Variants in SCEL observed in about 807,000 individuals in gnomAD.
The protein encoded by SCEL is sciellin.
In SCEL, 113 loss-of-function variants were observed where a neutral mutation model predicts 117.6. The observed-to-expected ratio is 0.96, with a 90% CI of 0.83 to 1.12. The LOEUF is 1.12. SCEL is among the 50% of genes most tolerant of loss of function. The pLI is 0.00. For synonymous variants in SCEL, 270 were observed against 256.2 expected (o/e 1.05, Z -0.51); for missense variants, 785 against 810.8 (o/e 0.97, Z 0.39).
At chr13:77,617,742 AATG>A (rs1197042627) in intron 25 of SCEL, 58 bp from the exon 26 acceptor site, 14 of 1,493,418 alleles carry the variant, frequency 9.4e-6, no homozygotes, top group Non-Finnish European at 1.3e-5. Context: ...TTATAACCTT[AATG>A]ATATTACCAA....
intron 24 of SCEL, among the ~76,000 whole-genome samples, chr13:77,615,202 A>G (rs1396438930): frequency 6.6e-6 from 1 of 152,078 alleles, no homozygotes; most frequent in African/African-American, 2.4e-5. Flanking sequence ...TTGGAGATGG[A>G]CAGAGCCTTG....
chr13:77,573,820 C>A (rs2085786048), intron 9 of SCEL, among the ~76,000 whole-genome samples: 1 of 152,182 alleles, frequency 6.6e-6, no homozygotes, highest in East Asian at 1.9e-4. Context: ...AGAACCTGCT[C>A]ATCTACAGAT....
Position 77,637,133 on chromosome 13 carries a change from G to A in SCEL, c.1777G>A (p.Asp593Asn). ...TTTTGTTCCTAGTAAATCACCCAAG[G>A]ATGGATATCAGGAGAATATCTCTGG... ...TYVENSKSPKDGYQENISGKY... is the reference protein window; with the variant it reads ...TYVENSKSPKNGYQENISGKY... The change falls in exon 30 of 33, where the codon GAT becomes AAT. Residue 593 changes from aspartate (D) to asparagine (N), a missense_variant. Asp to Asn is a conservative substitution (Grantham distance 23). Coordinates refer to ENST00000349847, the MANE Select transcript of SCEL (RefSeq NM_144777.3). 4 of 1,547,684 alleles carry A rather than the reference G, an allele frequency of 2.6e-6. No homozygotes were observed. The highest frequency in any genetic ancestry group is 3.5e-6 in the Non-Finnish European group (4 of 1,142,104).
intron 1 of SCEL, among the ~76,000 whole-genome samples, chr13:77,539,756 G>A (rs1272832151): frequency 6.6e-6 from 1 of 151,986 alleles, no homozygotes; most frequent in Non-Finnish European, 1.5e-5. Context: ...GGATGGTCTC[G>A]ATCTCCTGAT....
At chr13:77,628,954 T>C (rs187053909) in intron 28 of SCEL, among the ~76,000 whole-genome samples, 2 of 152,308 alleles carry the variant, frequency 1.3e-5, no homozygotes, top group Non-Finnish European at 2.9e-5. Flanking sequence ...TGGAAACACA[T>C]GTACTATTTT....
At chr13:77,643,123 TA>T (rs2090638951) in intron 32 of SCEL, among the ~76,000 whole-genome samples, 1 of 152,152 alleles carries the variant, frequency 6.6e-6, no homozygotes, top group South Asian at 2.1e-4. Flanking sequence ...TTGAAGTCCA[TA>T]TTCGTAAATG....
intron 1 of SCEL, among the ~76,000 whole-genome samples, chr13:77,555,462 A>G (rs1332325255): frequency 1.3e-5 from 2 of 152,216 alleles, no homozygotes; most frequent in Non-Finnish European, 2.9e-5. Context: ...GGTTCAGCAC[A>G]ATCTCTCTCT....
Position 77,640,758 on chromosome 13 carries a change from A to G in SCEL, c.1921A>G (p.Ile641Val), listed in dbSNP as rs1427636883. 6.3e-7 allele frequency: 1 copy of G among 1,595,212 alleles called. No homozygotes were observed. The highest frequency in any genetic ancestry group is 8.6e-7 in the Non-Finnish European group (1 of 1,165,226). ...TAAAATGATTTTAGATGAATTACAA[A>G]TTTGCTGCCATTCTACTTGCTTTAA... The part of the protein sequence containing the change: ...ETKMILDELQ[I>V]CCHSTCFKCE... Residue 641 changes from isoleucine to valine, a missense_variant, in exon 31 of 33, where the codon ATT becomes GTT. Coordinates refer to ENST00000349847, the MANE Select transcript of SCEL (RefSeq NM_144777.3).
At chr13:77,578,043 T>A (rs2086054397) in intron 9 of SCEL, among the ~76,000 whole-genome samples, 2 of 152,226 alleles carry the variant, frequency 1.3e-5, no homozygotes, top group South Asian at 4.1e-4. Flanking sequence ...TGCTACTTTT[T>A]AAAATTAAAT....
intron 3 of SCEL, among the ~76,000 whole-genome samples, chr13:77,558,098 T>C (rs2084761501): frequency 6.6e-6 from 1 of 152,234 alleles, no homozygotes; most frequent in African/African-American, 2.4e-5. Flanking sequence ...GTAGTGATAG[T>C]GTCATGTGAC....
At chr13:77,615,660 G>C (rs2088969612) in intron 24 of SCEL, among the ~76,000 whole-genome samples, 1 of 151,794 alleles carries the variant, frequency 6.6e-6, no homozygotes, top group Non-Finnish European at 1.5e-5. Context: ...ATAAAATTTA[G>C]ACATGCATGT....
Position 77,604,348 on chromosome 13 carries a change from T to C in SCEL, c.1098-8T>C. The stretch of plus-strand genomic sequence containing the variant: ...ATCATTCATTAAAATTAATTTCCTT[T>C]TTCAAAGAAAAAAAGACCTTGATGG... On this transcript the variant is annotated splice_region_variant and splice_polypyrimidine_tract_variant and intron_variant, in intron 18 of 32. Transcript: ENST00000349847. 1.3e-6 allele frequency: 2 copies of C among 1,534,224 alleles called. No individual in the cohort carries two copies. Among genetic ancestry groups the C allele is most frequent in the Non-Finnish European group, 1.8e-6 (2 of 1,135,318 alleles).
chr13:77,621,866 A>C (rs2154404356), intron 27 of SCEL, among the ~76,000 whole-genome samples: 1 of 152,272 alleles, frequency 6.6e-6, no homozygotes, highest in East Asian at 1.9e-4. Flanking sequence ...TAATCTCAAT[A>C]AACTATAGTG....
chr13:77,558,819 CAAAA>C (rs58052726), intron 3 of SCEL, among the ~76,000 whole-genome samples: 3 of 89,758 alleles, frequency 3.3e-5, no homozygotes, highest in Non-Finnish European at 4.1e-5. Context: ...CTCTGTCTTA[CAAAA>C]AAAAAAAAAA....
At chr13:77,553,368 C>T (rs1215180267) in intron 1 of SCEL, among the ~76,000 whole-genome samples, 1 of 152,102 alleles carries the variant, frequency 6.6e-6, no homozygotes, top group Non-Finnish European at 1.5e-5. Flanking sequence ...ATTATGCATT[C>T]AGCATTTTGA....
intron 19 of SCEL, among the ~76,000 whole-genome samples, chr13:77,605,200 A>T (rs1051518409): frequency 1.3e-5 from 2 of 151,566 alleles, no homozygotes; most frequent in Non-Finnish European, 2.9e-5. Flanking sequence ...CAGTTAGCTC[A>T]GTTCATAATA....
At chr13:77,546,427 C>T (rs942875827) in intron 1 of SCEL, among the ~76,000 whole-genome samples, 2 of 152,064 alleles carry the variant, frequency 1.3e-5, no homozygotes, top group Non-Finnish European at 2.9e-5. Flanking sequence ...TTTGGGATCC[C>T]ATAATTATAG....
At chr13:77,599,542 T>A in intron 14 of SCEL, 147 bp from the exon 15 acceptor site, 1 of 867,778 alleles carries the variant, frequency 1.2e-6, no homozygotes, top group Non-Finnish European at 1.9e-6. Context: ...AGTTCAGACA[T>A]AATTACCCAG....
chr13:77,634,414 A>G lies in SCEL; in HGVS notation c.1727A>G (p.Asp576Gly). The G allele has an allele frequency of 1.2e-6, 2 of 1,613,540 alleles. No individual in the cohort carries two copies. The highest frequency in any genetic ancestry group is 1.7e-6 in the Non-Finnish European group (2 of 1,179,602). ...NTGAKQAGPQDTVVYTRTYVE... is the reference protein window; with the variant it reads ...NTGAKQAGPQGTVVYTRTYVE... ...GGAGCCAAGCAGGCAGGACCACAGGATACTGTTGTGTACACAAGGACATAT... is the reference window on the plus strand; with the variant it reads ...GGAGCCAAGCAGGCAGGACCACAGGGTACTGTTGTGTACACAAGGACATAT... The change falls in exon 29 of 33, where the codon GAT becomes GGT. Residue 576 changes from aspartate (D) to glycine (G), a missense_variant. Transcript: ENST00000349847.
Sources: gnomAD v4.1 joint callset for allele counts (sites outside exome capture counted in the v4.1 genomes callset) on GRCh38, gnomAD v4.1.1 for gene constraint, MANE v1.5 for transcripts, NCBI Gene and HGNC (gene_info 2026-07-23, HGNC 2026-07-21) for gene names.